PUM3: variants seen among roughly 807,000 people sequenced by gnomAD.
The protein encoded by PUM3 is pumilio homolog 3.
A neutral mutation model predicts 84.0 loss-of-function variants in PUM3; 91 were observed. The observed-to-expected ratio is 1.08, with a 90% CI of 0.91 to 1.29. The LOEUF (loss-of-function observed/expected upper bound fraction) is 1.29. Among genes scored for constraint, PUM3 ranks in the 50% most tolerant of loss-of-function variants. The pLI is 0.00. For missense variants in PUM3, 1,067 were observed against 767.5 expected, an observed-to-expected ratio of 1.39 and a Z score of -4.61; for synonymous variants, 321 against 266.7, an observed-to-expected ratio of 1.20 and a Z score of -1.98.
rs144823477 is a variant in PUM3 at position 2,814,777 on chromosome 9, A to C, written c.1270-2415T>G. Among the ~76,000 whole-genome samples, 684 of 152,278 alleles carry C rather than the reference A, an allele frequency of 4.5e-3. 6 individuals carry two copies. Among genetic ancestry groups the C allele is most frequent in the African/African-American group, 0.015 (619 of 41,516 alleles). On this transcript the variant is annotated intron_variant, in intron 13 of 17. Coordinates refer to ENST00000397885, the MANE Select transcript of PUM3 (RefSeq NM_014878.5). Reference sequence around the variant, plus strand: ...TAACAAAATGACTCTGAAATATAACACCTTTAAAAATTTGTTTTTTTGAGA... The same window carrying C: ...TAACAAAATGACTCTGAAATATAACCCCTTTAAAAATTTGTTTTTTTGAGA...
intron 3 of PUM3, among the ~76,000 whole-genome samples, chr9:2,835,326 G>A (rs1816094833): frequency 6.6e-6 from 1 of 152,172 alleles, no homozygotes; most frequent in African/African-American, 2.4e-5. Flanking sequence ...GCTGAGGCAG[G>A]AGGATCACTT....
chr9:2,810,568 T>A (rs1586717084), intron 15 of PUM3, 137 bp from the exon 16 acceptor site: 5 of 602,274 alleles, frequency 8.3e-6, no homozygotes, highest in Non-Finnish European at 2.9e-6. Flanking sequence ...GCTTAAGAGG[T>A]CTTTATCTAG....
intron 17 of PUM3, among the ~76,000 whole-genome samples, chr9:2,805,615 T>A (rs978689992): frequency 6.6e-6 from 1 of 152,138 alleles, no homozygotes; most frequent in African/African-American, 2.4e-5. Context: ...TCGTAATGAA[T>A]TTGTGACTCA....
chr9:2,828,639 C>G, intron 9 of PUM3, 36 bp downstream of exon 9: 1 of 1,266,542 alleles, frequency 7.9e-7, no homozygotes, highest in Non-Finnish European at 1.2e-6. Context: ...CTTTGAATGT[C>G]ATTTCTTAAG....
At position 2,807,884 on chromosome 9, in the gene PUM3, CAA is replaced by C; in HGVS notation, c.1742_1743del (p.Leu581ArgfsTer14). On this transcript the variant is annotated frameshift_variant, in exon 17 of 18. Transcript: ENST00000397885. LOFTEE classifies it high-confidence loss of function. ...NGREGCFAKT[L>X]VEHVGMKNLK... Reference sequence around the variant, plus strand: ...AGGTTCTTCATACCAACATGCTCTACAAGTGTTTTTGCAAAACAACCTGTAAA... The same window carrying C: ...AGGTTCTTCATACCAACATGCTCTACGTGTTTTTGCAAAACAACCTGTAAA... The C allele has an allele frequency of 6.2e-7, 1 of 1,613,180 alleles. No homozygotes were observed. The highest frequency in any genetic ancestry group is 8.5e-7 in the Non-Finnish European group (1 of 1,179,498).
intron 13 of PUM3, among the ~76,000 whole-genome samples, chr9:2,816,781 T>C (rs562368864): frequency 5.3e-5 from 8 of 152,274 alleles, no homozygotes; most frequent in Admixed American, 4.6e-4. Context: ...AAAAAGACTA[T>C]AGTAGTTGAG....
intron 13 of PUM3, among the ~76,000 whole-genome samples, chr9:2,816,307 T>C (rs1270865445): frequency 6.6e-6 from 1 of 152,182 alleles, no homozygotes; most frequent in Non-Finnish European, 1.5e-5. Context: ...GCTTCCCAAG[T>C]ATTTTGTTCT....
At position 2,804,216 on chromosome 9, in the gene PUM3, C is replaced by T. The variant is rs1476510421; in HGVS notation, c.*115G>A. On this transcript the variant is annotated 3_prime_UTR_variant, in exon 18 of 18. Transcript: ENST00000397885. ...TAGATTCGTATACAAAGAAGAAACA[C>T]ATATACAGAGTACCCCAATTACCAG... 1.2e-5 allele frequency: 12 copies of T among 1,002,338 alleles called. No individual in the cohort carries two copies. The highest frequency in any genetic ancestry group is 5.9e-6 in the Non-Finnish European group (4 of 681,388). The allele number at this position is 1,002,338 out of a possible 1,614,324, so 62.1% of individuals were successfully genotyped here. A position where few individuals can be genotyped will look rare whatever the true frequency, so the allele number is the denominator to read the frequency against.
At chr9:2,811,311 G>C (rs747361858) in intron 15 of PUM3, 50 bp downstream of exon 15, 1 of 1,577,438 alleles carries the variant, frequency 6.3e-7, no homozygotes, top group South Asian at 1.1e-5. Flanking sequence ...CAAAAACGAA[G>C]TTTTTGTGGC....
At chr9:2,823,114 T>C (rs985911996) in intron 12 of PUM3, among the ~76,000 whole-genome samples, 1 of 152,000 alleles carries the variant, frequency 6.6e-6, no homozygotes, top group Non-Finnish European at 1.5e-5. Flanking sequence ...AAAATTAAAA[T>C]TGTATTCACT....
rs1816059083 is a variant in PUM3 at position 2,834,111 on chromosome 9, C to T, written c.360G>A (p.Leu120=). 1 of 1,613,624 alleles carries T rather than the reference C, an allele frequency of 6.2e-7. No individual in the cohort carries two copies. The highest frequency in any genetic ancestry group is 1.1e-5 in the South Asian group (1 of 91,050). Residue 120 remains leucine, a synonymous_variant, in exon 4 of 18, where the codon CTG becomes CTA. Coordinates refer to ENST00000397885, the MANE Select transcript of PUM3 (RefSeq NM_014878.5). The stretch of plus-strand genomic sequence containing the variant: ...TATCACTGAGTTGTCTGCTTTGCTT[C>T]AGTTCTTTCTTCTTCTTTTTGAAGT... The part of the protein sequence containing the change: ...WDDFKKKKKE[L]KQSRQLSDKT...
At chr9:2,833,912 AC>A in intron 4 of PUM3, 118 bp downstream of exon 4, 1 of 966,984 alleles carries the variant, frequency 1.0e-6, no homozygotes, top group Middle Eastern at 2.2e-4. Flanking sequence ...TGTCATGAGG[AC>A]CCCCTCAATA....
chr9:2,813,414 T>C (rs777696253), intron 13 of PUM3, among the ~76,000 whole-genome samples: 1 of 152,214 alleles, frequency 6.6e-6, no homozygotes, highest in Non-Finnish European at 1.5e-5. Flanking sequence ...GAGCACCCCA[T>C]ATTCTTCAGA....
rs1563833669 is a variant in PUM3, at chr9:2,831,293, C to T, written c.568G>A (p.Gly190Ser). 6.2e-7 allele frequency: 1 copy of T among 1,610,182 alleles called. No homozygotes were observed. Among genetic ancestry groups the T allele is most frequent in the Middle Eastern group, 1.7e-4 (1 of 6,044 alleles). ...TRVIQCYIQY[G>S]NEEQRKQAFE... ...GCCTGTTTTCTCTGTTCTTCATTACCATACTGAATGTAACACTGGATCACA... is the reference window on the plus strand; with the variant it reads ...GCCTGTTTTCTCTGTTCTTCATTACTATACTGAATGTAACACTGGATCACA... Residue 190 changes from glycine to serine, a missense_variant, in exon 6 of 18, where the codon GGT becomes AGT. By Grantham distance (56) the Gly-to-Ser change is moderately conservative (BLOSUM62 0). Coordinates refer to ENST00000397885, the MANE Select transcript of PUM3 (RefSeq NM_014878.5).
chr9:2,840,205 A>T (rs925693243), intron 1 of PUM3, among the ~76,000 whole-genome samples: 4 of 152,234 alleles, frequency 2.6e-5, no homozygotes, highest in African/African-American at 9.6e-5. Context: ...AACCGTGTTC[A>T]CTTGGTCAAA....
intron 12 of PUM3, 88 bp from the exon 13 acceptor site, chr9:2,820,186 G>A (rs1482964055): frequency 2.0e-4 from 104 of 523,622 alleles, no homozygotes; most frequent in Non-Finnish European, 2.7e-4. Flanking sequence ...CATAAAGGTA[G>A]AGCGAGACTC....
At chr9:2,820,608 T>A (rs560647487) in intron 12 of PUM3, among the ~76,000 whole-genome samples, 1 of 152,182 alleles carries the variant, frequency 6.6e-6, no homozygotes. Context: ...GTAATAGTCA[T>A]CTCTGGGTTA....
Position 2,828,692 on chromosome 9 carries a change from T to C in PUM3, c.939A>G (p.Leu313=). 1 of 1,595,054 alleles carries C rather than the reference T, an allele frequency of 6.3e-7. No homozygotes were observed. Among genetic ancestry groups the C allele is most frequent in the Non-Finnish European group, 8.6e-7 (1 of 1,163,072 alleles). The change falls in exon 9 of 18, where the codon CTA becomes CTG. Residue 313 remains leucine (L), a synonymous_variant. Coordinates refer to ENST00000397885, the MANE Select transcript of PUM3 (RefSeq NM_014878.5). ...TTTCTTACTTTTGGGCCATTGGAGT[T>C]AGAATCTGTTTCATTTCATCCATAA... ...ELIMDEMKQI[L]TPMAQKEAVI... is the part of the protein sequence containing the mutation.
intron 12 of PUM3, 86 bp from the exon 13 acceptor site, chr9:2,820,184 T>G: frequency 1.6e-6 from 1 of 625,704 alleles, no homozygotes; most frequent in Non-Finnish European, 2.7e-6. Flanking sequence ...TTCATAAAGG[T>G]AGAGCGAGAC....
Sources: allele counts gnomAD v4.1 joint callset (sites outside exome capture counted in the v4.1 genomes callset), GRCh38; gene constraint gnomAD v4.1.1; transcripts MANE v1.5; gene names NCBI Gene and HGNC (gene_info 2026-07-23, HGNC 2026-07-21).